The following DLGAP2 variants were observed in gnomAD, a reference collection of about 807,000 sequenced individuals.
DLGAP2 encodes the protein disks large-associated protein 2.
A neutral mutation model predicts 100.3 loss-of-function variants in DLGAP2; 26 were observed. That is an observed-to-expected ratio of 0.26 (90% confidence interval 0.19 to 0.36). DLGAP2 has a LOEUF of 0.36. DLGAP2 is among the 10% of genes least tolerant of loss of function. The pLI, the probability that DLGAP2 is intolerant of heterozygous loss-of-function variation, is 1.00. For synonymous variants in DLGAP2, 886 were observed against 630.1 expected (o/e 1.41, Z -6.08); for missense variants, 1,858 against 1,453.2 (o/e 1.28, Z -4.53).
intron 3 of DLGAP2, among the ~76,000 whole-genome samples, chr8:1,429,393 G>C (rs1797342083): frequency 6.6e-6 from 1 of 152,132 alleles, no homozygotes; most frequent in South Asian, 2.1e-4. Context: ...AGTGGCTGCT[G>C]TCACTCACTG....
At chr8:1,552,056 C>G (rs941944210) in intron 5 of DLGAP2, among the ~76,000 whole-genome samples, 3 of 152,144 alleles carry the variant, frequency 2.0e-5, no homozygotes, top group Non-Finnish European at 4.4e-5. Flanking sequence ...AGTCTGAGTT[C>G]CGTGCCATGG....
chr8:1,139,474 C>A (rs1006013699), intron 2 of DLGAP2, among the ~76,000 whole-genome samples: 3 of 152,196 alleles, frequency 2.0e-5, no homozygotes, highest in African/African-American at 7.2e-5. Flanking sequence ...TGTGTCCTCA[C>A]GTGGAGCAAG....
chr8:1,417,582 GCGGA>G (rs969915049), intron 3 of DLGAP2, among the ~76,000 whole-genome samples: 5 of 130,700 alleles, frequency 3.8e-5, no homozygotes, highest in Non-Finnish European at 8.7e-5. Flanking sequence ...AGGAGAAAAT[GCGGA>G]CAGATAAATA....
At position 1,189,631 on chromosome 8, in the gene DLGAP2, G is replaced by T. The variant is rs117108466; in HGVS notation, c.74-69220G>T. ...CATTCAAGCACGTTTAGCAGTTGACGTGTGACATCCCCATGCCTGGAAACG... is the reference window on the plus strand; with the variant it reads ...CATTCAAGCACGTTTAGCAGTTGACTTGTGACATCCCCATGCCTGGAAACG... On this transcript the variant is annotated intron_variant, in intron 2 of 14. Coordinates refer to ENST00000637795, the MANE Select transcript of DLGAP2 (RefSeq NM_001346810.2). Among the ~76,000 whole-genome samples, 1,511 of 152,344 alleles carry T rather than the reference G, an allele frequency of 9.9e-3. 17 individuals are homozygous for T. Among genetic ancestry groups the T allele is most frequent in the Admixed American group, 0.025 (385 of 15,310 alleles).
intron 3 of DLGAP2, among the ~76,000 whole-genome samples, chr8:1,273,743 A>G (rs1256092175): frequency 1.3e-5 from 2 of 152,240 alleles, no homozygotes; most frequent in Non-Finnish European, 2.9e-5. Flanking sequence ...GAATCAGGAT[A>G]TCTGCTGCAT....
At chr8:1,587,228 A>G (rs1242039535) in intron 6 of DLGAP2, among the ~76,000 whole-genome samples, 2 of 152,226 alleles carry the variant, frequency 1.3e-5, no homozygotes, top group Admixed American at 6.5e-5. Flanking sequence ...TATAGGAACT[A>G]TTTAATTTCA....
At chr8:834,360 G>T (rs574388241) in intron 1 of DLGAP2, among the ~76,000 whole-genome samples, 54 of 152,326 alleles carry the variant, frequency 3.5e-4, no homozygotes, top group Admixed American at 8.5e-4. Context: ...GACAAGCTGA[G>T]AAGTTTAAGC....
chr8:1,682,618 A>T (rs1042936443), intron 12 of DLGAP2, among the ~76,000 whole-genome samples: 1 of 146,028 alleles, frequency 6.8e-6, no homozygotes, highest in Non-Finnish European at 1.6e-5. Flanking sequence ...GGGACTACAG[A>T]CACGCACCAC....
chr8:1,360,100 G>C lies in DLGAP2; in HGVS notation c.106+101217G>C, dbSNP rs111648635. 1.3e-3 allele frequency among the ~76,000 whole-genome samples: 199 copies of C among 152,198 alleles called. 1 individual carries two copies. The highest frequency in any genetic ancestry group is 4.9e-3 in the East Asian group (25 of 5,142). On this transcript the variant is annotated intron_variant, in intron 3 of 14. Transcript: ENST00000637795. ...AAATCCACCGAAGCCCTTTGTGTGG[G>C]GTTCGGAGGAGAGCGGGTTGCAGGG...
rs768377679 is a variant in DLGAP2 at position 1,017,557 on chromosome 8, CTG to C, written c.73+109600_73+109601del. On this transcript the variant is annotated intron_variant, in intron 2 of 14. Transcript: ENST00000637795. Reference sequence around the variant, plus strand: ...GTGACCAGGACAGACGATGCCTCCACTGTGTGTGTGACCAGGACAGACGACGC... The same window carrying C: ...GTGACCAGGACAGACGATGCCTCCACTGTGTGTGACCAGGACAGACGACGC... 7.9e-4 allele frequency among the ~76,000 whole-genome samples: 97 copies of C among 123,038 alleles called. 2 individuals are homozygous for C. Among genetic ancestry groups the C allele is most frequent in the African/African-American group, 1.1e-3 (29 of 27,074 alleles). 80.7% of individuals were successfully genotyped at this position (123,038 alleles called of 152,430 possible).
chr8:1,357,624 A>G (rs987034719), intron 3 of DLGAP2, among the ~76,000 whole-genome samples: 1 of 152,104 alleles, frequency 6.6e-6, no homozygotes, highest in African/African-American at 2.4e-5. Flanking sequence ...AAACTCTTAC[A>G]CATTTTCAAA....
chr8:958,536 C>G (rs535557241), intron 2 of DLGAP2, among the ~76,000 whole-genome samples: 60 of 145,436 alleles, frequency 4.1e-4, no homozygotes, highest in African/African-American at 1.5e-3. Context: ...TGCAGGCATT[C>G]CAGTGATTGT....
At chr8:1,389,530 G>A (rs780417244) in intron 3 of DLGAP2, among the ~76,000 whole-genome samples, 1 of 152,126 alleles carries the variant, frequency 6.6e-6, no homozygotes, top group Non-Finnish European at 1.5e-5. Flanking sequence ...GGACGAGGCC[G>A]CTCGGTGCAG....
At chr8:1,667,065 G>A (rs991701402) in intron 8 of DLGAP2, among the ~76,000 whole-genome samples, 2 of 152,236 alleles carry the variant, frequency 1.3e-5, no homozygotes, top group Admixed American at 6.5e-5. Context: ...CCCACTGTGT[G>A]TGTGTGGCAG....
intron 4 of DLGAP2, among the ~76,000 whole-genome samples, chr8:1,531,531 T>A (rs1004111616): frequency 1.3e-5 from 2 of 152,210 alleles, no homozygotes; most frequent in Non-Finnish European, 2.9e-5. Flanking sequence ...AGGAAATGTT[T>A]TCTTATTTAC....
intron 3 of DLGAP2, among the ~76,000 whole-genome samples, chr8:1,448,284 G>T (rs1798037576): frequency 6.6e-6 from 1 of 152,040 alleles, no homozygotes; most frequent in Non-Finnish European, 1.5e-5. Context: ...CTGGTATGTT[G>T]TGTCTTTGTT....
chr8:1,211,471 A>G (rs548801054), intron 2 of DLGAP2, among the ~76,000 whole-genome samples: 23 of 152,376 alleles, frequency 1.5e-4, no homozygotes, highest in African/African-American at 5.5e-4. Flanking sequence ...ATTCATTAAA[A>G]ATTTCCCAAC....
intron 3 of DLGAP2, among the ~76,000 whole-genome samples, chr8:1,261,219 G>C (rs1414095021): frequency 6.6e-6 from 1 of 151,720 alleles, no homozygotes; most frequent in Non-Finnish European, 1.5e-5. Context: ...AAACGAGACA[G>C]ACTGGAAGGG....
chr8:1,062,613 T>G (rs1347158877), intron 2 of DLGAP2, among the ~76,000 whole-genome samples: 1 of 152,174 alleles, frequency 6.6e-6, no homozygotes, highest in African/African-American at 2.4e-5. Flanking sequence ...ATAGCCGCTT[T>G]CCCTCGATAC....
Sources: allele counts gnomAD v4.1 joint callset (sites outside exome capture counted in the v4.1 genomes callset), GRCh38; gene constraint gnomAD v4.1.1; transcripts MANE v1.5; gene names NCBI Gene and HGNC (gene_info 2026-07-23, HGNC 2026-07-21).